USP24: variants seen among roughly 807,000 people sequenced by gnomAD.
The protein encoded by USP24 is ubiquitin carboxyl-terminal hydrolase 24.
Under a neutral mutation model 361.6 loss-of-function variants are expected in USP24, and 97 were observed. The ratio of observed to expected loss-of-function variants is 0.27; its 90% CI spans 0.23 to 0.32. USP24 has a LOEUF of 0.32. Ranked by LOEUF, USP24 falls within the 10% of genes least tolerant of loss-of-function variation. USP24 has a pLI of 1.00. For missense variants in USP24, 2,353 were observed against 3,165.6 expected (o/e 0.74, Z 6.16); for synonymous variants, 1,098 against 1,124.6 (o/e 0.98, Z 0.47).
At chr1:55,080,452 T>G (rs1645126778) in intron 59 of USP24, among the ~76,000 whole-genome samples, 1 of 152,254 alleles carries the variant, frequency 6.6e-6, no homozygotes, top group Non-Finnish European at 1.5e-5. Context: ...TTGGCTTCTA[T>G]GCCACTAACT....
chr1:55,135,792 T>C (rs1646717601), intron 28 of USP24, among the ~76,000 whole-genome samples: 1 of 152,194 alleles, frequency 6.6e-6, no homozygotes, highest in African/African-American at 2.4e-5. Context: ...ACCCTATATG[T>C]CTTTTAAATA....
chr1:55,169,534 A>G (rs1417081958), intron 5 of USP24, among the ~76,000 whole-genome samples: 2 of 152,208 alleles, frequency 1.3e-5, no homozygotes, highest in African/African-American at 4.8e-5. Flanking sequence ...AATCAAATTT[A>G]CAAACATTAA....
rs570792649 is a variant in USP24, at chr1:55,206,530, AAGG to A, written c.324+8257_324+8259del. On this transcript the variant is annotated intron_variant, in intron 1 of 67. Coordinates refer to ENST00000294383, the MANE Select transcript of USP24 (RefSeq NM_015306.3). ...GGTAAGTCTGGAGACCTTGAAAGAAAAGGAGTTTAGGTTTTACCTATACAAGAT... is the reference window on the plus strand; with the variant it reads ...GGTAAGTCTGGAGACCTTGAAAGAAAAGTTTAGGTTTTACCTATACAAGAT... Among the ~76,000 whole-genome samples, 434 of 152,312 alleles carry A rather than the reference AAGG, an allele frequency of 2.8e-3. 3 individuals are homozygous for A. Among genetic ancestry groups the A allele is most frequent in the Middle Eastern group, 0.014 (4 of 294 alleles).
chr1:55,092,485 A>G (rs2100473724), intron 53 of USP24, among the ~76,000 whole-genome samples: 1 of 152,324 alleles, frequency 6.6e-6, no homozygotes, highest in African/African-American at 2.4e-5. Context: ...TAGTCTTGTG[A>G]TATTTTATTA....
At chr1:55,148,387 A>C in intron 17 of USP24, 76 bp downstream of exon 17, 1 of 1,087,530 alleles carries the variant, frequency 9.2e-7, no homozygotes, top group Non-Finnish European at 1.3e-6. Flanking sequence ...CTATAAACTC[A>C]GCAATTTTAG....
chr1:55,129,591 C>T lies in USP24; in HGVS notation c.3538-17G>A, dbSNP rs1182408503. The T allele has an allele frequency of 1.3e-6, 2 of 1,595,738 alleles. No individual in the cohort carries two copies. The highest frequency in any genetic ancestry group is 1.7e-6 in the Non-Finnish European group (2 of 1,165,620). On this transcript the variant is annotated splice_polypyrimidine_tract_variant and intron_variant, in intron 31 of 67. Coordinates refer to ENST00000294383, the MANE Select transcript of USP24 (RefSeq NM_015306.3). Reference sequence around the variant, plus strand: ...GCTTAGAACCTAGGGAACAGATAAGCACAATTATTCATCCACACATTTTCA... The same window carrying T: ...GCTTAGAACCTAGGGAACAGATAAGTACAATTATTCATCCACACATTTTCA...
At chr1:55,166,475 G>A in intron 6 of USP24, 93 bp downstream of exon 6, 2 of 1,139,262 alleles carry the variant, frequency 1.8e-6, no homozygotes, top group South Asian at 2.9e-5. Flanking sequence ...ATTATTCTCT[G>A]CAGCTGCCAT....
chr1:55,135,733 T>C (rs1383281612), intron 28 of USP24, among the ~76,000 whole-genome samples: 1 of 152,072 alleles, frequency 6.6e-6, no homozygotes, highest in Admixed American at 6.5e-5. Context: ...AAGAAATATA[T>C]ATAATAACCA....
chr1:55,212,419 C>T (rs894915172), intron 1 of USP24, among the ~76,000 whole-genome samples: 2 of 152,006 alleles, frequency 1.3e-5, no homozygotes, highest in African/African-American at 2.4e-5. Flanking sequence ...AATTCAGCCC[C>T]TGCCACCCAC....
In USP24 at chr1:55,215,122, C is replaced by T. The variant is rs1393828784; in HGVS notation, c.-9G>A. The T allele has an allele frequency of 4.0e-6, 5 of 1,259,314 alleles. No individual in the cohort carries two copies. Among genetic ancestry groups the T allele is most frequent in the East Asian group, 3.1e-5 (1 of 32,124 alleles). 78.0% of individuals were successfully genotyped at this position (1,259,314 alleles called of 1,614,324 possible). On this transcript the variant is annotated 5_prime_UTR_variant, in exon 1 of 68. Coordinates refer to ENST00000294383, the MANE Select transcript of USP24 (RefSeq NM_015306.3). ...TCCTCCTCCGATTCCATGGCTTGGG[C>T]CTCCTGGCCGCCCCGGCCAGCGCAC...
intron 32 of USP24, 92 bp from the exon 33 acceptor site, chr1:55,125,850 ATTAC>A: frequency 9.7e-7 from 1 of 1,034,112 alleles, no homozygotes; most frequent in South Asian, 1.6e-5. Flanking sequence ...GTCATCATCA[ATTAC>A]TTAGTTTCTA....
At chr1:55,204,654 T>C (rs1206326265) in intron 1 of USP24, among the ~76,000 whole-genome samples, 3 of 152,216 alleles carry the variant, frequency 2.0e-5, no homozygotes, top group Non-Finnish European at 2.9e-5. Flanking sequence ...TTAAGATTTA[T>C]TAGACTTGTG....
chr1:55,208,115 G>A (rs928489406), intron 1 of USP24, among the ~76,000 whole-genome samples: 1 of 151,990 alleles, frequency 6.6e-6, no homozygotes, highest in South Asian at 2.1e-4. Flanking sequence ...TCAAATCTAC[G>A]GCTATATATT....
At chr1:55,096,472 G>T in intron 50 of USP24, 26 bp downstream of exon 50, 3 of 1,489,322 alleles carry the variant, frequency 2.0e-6, no homozygotes, top group Non-Finnish European at 2.7e-6. Flanking sequence ...AAAACTAATG[G>T]AAAATATCCA....
Position 55,066,783 on chromosome 1 carries a change from A to G in USP24, c.*2262T>C, listed in dbSNP as rs1644832284. 1 of 152,224 alleles carries G rather than the reference A, an allele frequency of 6.6e-6. No homozygotes were observed. The highest frequency in any genetic ancestry group is 1.5e-5 in the Non-Finnish European group (1 of 68,042). 9.4% of individuals were successfully genotyped at this position (152,224 alleles called of 1,614,324 possible). The stretch of plus-strand genomic sequence containing the variant: ...GAGCTTCTTGAGAACACACAGCATT[A>G]TTGAGTTAATTGTGCAATTCCTGCT... On this transcript the variant is annotated 3_prime_UTR_variant, in exon 68 of 68. Transcript: ENST00000294383.
intron 38 of USP24, among the ~76,000 whole-genome samples, chr1:55,111,061 A>AT (rs1192490754): frequency 4.6e-5 from 7 of 152,124 alleles, no homozygotes; most frequent in African/African-American, 7.2e-5. Context: ...AAAAACATAC[A>AT]TAAGCAGTTT....
At chr1:55,143,985 C>T in intron 21 of USP24, 142 bp downstream of exon 21, 1 of 626,090 alleles carries the variant, frequency 1.6e-6, no homozygotes, top group South Asian at 2.5e-5. Flanking sequence ...CTGTCATCAA[C>T]ATAGAAGCTG....
chr1:55,121,559 T>C (rs746850831), intron 36 of USP24, 53 bp from the exon 37 acceptor site: 2 of 1,477,900 alleles, frequency 1.4e-6, no homozygotes, highest in Non-Finnish European at 1.9e-6. Flanking sequence ...AGGTAATGCA[T>C]TTTCAAATTT....
At chr1:55,103,714 G>A (rs1263895085) in intron 42 of USP24, among the ~76,000 whole-genome samples, 162 bp downstream of exon 42, 1 of 152,154 alleles carries the variant, frequency 6.6e-6, no homozygotes, top group African/African-American at 2.4e-5. Flanking sequence ...GTATATTAGA[G>A]TGATACTATA....
Sources: gnomAD v4.1 joint callset for allele counts (sites outside exome capture counted in the v4.1 genomes callset) on GRCh38, gnomAD v4.1.1 for gene constraint, MANE v1.5 for transcripts, NCBI Gene and HGNC (gene_info 2026-07-23, HGNC 2026-07-21) for gene names.